The following NRG4 variants were observed in gnomAD, a reference collection of about 807,000 sequenced individuals.
NRG4 encodes neuregulin 4.
A neutral mutation model predicts 15.0 loss-of-function variants in NRG4; 10 were observed. The observed-to-expected ratio is 0.67, with a 90% CI of 0.41 to 1.13. The LOEUF is 1.13. NRG4 is among the 50% of genes most tolerant of loss of function. NRG4 has a pLI of 0.00. For missense variants in NRG4, 139 were observed against 140.2 expected, an observed-to-expected ratio of 0.99 and a Z score of 0.04; for synonymous variants, 41 against 50.1, an observed-to-expected ratio of 0.82 and a Z score of 0.77.
chr15:76,028,919 A>C (rs976963440), intron 5 of NRG4, among the ~76,000 whole-genome samples: 7 of 151,636 alleles, frequency 4.6e-5, no homozygotes, highest in Non-Finnish European at 8.8e-5. Flanking sequence ...AAAAAAAAAA[A>C]AAAAAAAACT....
At chr15:76,015,682 T>C (rs1243489439), upstream of NRG4, among the ~76,000 whole-genome samples, 2 of 152,176 alleles carry the variant, frequency 1.3e-5, no homozygotes, top group Non-Finnish European at 2.9e-5. Context: ...ATCCTTGCAT[T>C]CCAGGGATGA....
At chr15:75,937,046 AT>A (rs1397122000), downstream of NRG4, 1 of 152,072 alleles carries the variant, frequency 6.6e-6, no homozygotes, top group Non-Finnish European at 1.5e-5. Flanking sequence ...GACCATTGAC[AT>A]TTTTCTAATT....
intron 3 of NRG4, among the ~76,000 whole-genome samples, chr15:75,966,802 AAAC>A (rs1385363552): frequency 1.3e-5 from 2 of 152,186 alleles, no homozygotes; most frequent in Non-Finnish European, 2.9e-5. Context: ...ATGTTCAAGA[AAAC>A]AACATGGGCT....
At chr15:76,024,223 A>G (rs988408601) in intron 5 of NRG4, among the ~76,000 whole-genome samples, 2 of 152,202 alleles carry the variant, frequency 1.3e-5, no homozygotes, top group African/African-American at 4.8e-5. Context: ...GAGTAGCTGT[A>G]TGTCCACTTC....
At chr15:75,936,582 T>C (rs1302706758), downstream of NRG4, 1 of 144,552 alleles carries the variant, frequency 6.9e-6, no homozygotes, top group African/African-American at 2.6e-5. Flanking sequence ...GTATGGAAAC[T>C]TTTTTTTTTT....
At chr15:76,031,317 T>C (rs1313218539) in intron 5 of NRG4, among the ~76,000 whole-genome samples, 1 of 152,172 alleles carries the variant, frequency 6.6e-6, no homozygotes, top group Non-Finnish European at 1.5e-5. Flanking sequence ...GGCAAAGAAG[T>C]CCAATTTCAC....
intron 4 of NRG4, among the ~76,000 whole-genome samples, chr15:76,037,302 A>C (rs929089874): frequency 1.4e-4 from 22 of 152,222 alleles, no homozygotes; most frequent in African/African-American, 5.3e-4. Context: ...AGAGAAACTT[A>C]GAGTAGGAAA....
chr15:76,036,253 T>C (rs2035595113), intron 4 of NRG4, among the ~76,000 whole-genome samples: 2 of 152,220 alleles, frequency 1.3e-5, no homozygotes, highest in Admixed American at 6.5e-5. Flanking sequence ...CTCCAGGCAA[T>C]AGCTCCTCAC....
intron 3 of NRG4, among the ~76,000 whole-genome samples, chr15:75,975,030 GCT>G (rs1274451043): frequency 6.6e-6 from 1 of 152,096 alleles, no homozygotes; most frequent in East Asian, 1.9e-4. Flanking sequence ...GAATCTGAGT[GCT>G]CTTTTATTGG....
At chr15:76,024,455 C>T (rs1017016427) in intron 5 of NRG4, among the ~76,000 whole-genome samples, 1 of 152,236 alleles carries the variant, frequency 6.6e-6, no homozygotes, top group Non-Finnish European at 1.5e-5. Context: ...GCCTGAGAAA[C>T]AGCCACCCGG....
chr15:75,980,081 T>C (rs1247779223), intron 3 of NRG4, among the ~76,000 whole-genome samples: 3 of 152,198 alleles, frequency 2.0e-5, no homozygotes, highest in African/African-American at 7.2e-5. Flanking sequence ...TTTCACCTGA[T>C]AAGCTTTTAG....
intron 5 of NRG4, among the ~76,000 whole-genome samples, chr15:76,018,533 T>G (rs1486699268): frequency 6.6e-6 from 1 of 152,212 alleles, no homozygotes; most frequent in Non-Finnish European, 1.5e-5. Flanking sequence ...TTTTTGTTGA[T>G]GTTGATGCGA....
At chr15:76,007,011 C>T (rs1317941912) in intron 3 of NRG4, among the ~76,000 whole-genome samples, 1 of 152,112 alleles carries the variant, frequency 6.6e-6, no homozygotes, top group Non-Finnish European at 1.5e-5. Flanking sequence ...GATAGGAAAA[C>T]ACCTATAGGT....
At chr15:76,003,550 A>T (rs953727778) in intron 3 of NRG4, among the ~76,000 whole-genome samples, 1 of 152,194 alleles carries the variant, frequency 6.6e-6, no homozygotes, top group Non-Finnish European at 1.5e-5. Context: ...AAACTTCCCA[A>T]ATTTGATGAA....
upstream of NRG4, among the ~76,000 whole-genome samples, chr15:76,016,406 C>G (rs1444075561): frequency 2.6e-5 from 4 of 152,246 alleles, no homozygotes; most frequent in South Asian, 4.1e-4. Context: ...TCTTGCTCCT[C>G]TAGTTCTTTT....
In NRG4 at chr15:76,011,208, T is replaced by C; in HGVS notation, c.10+13A>G. On this transcript the variant is annotated intron_variant, in intron 2 of 5. Coordinates refer to ENST00000394907, the MANE Select transcript of NRG4 (RefSeq NM_138573.4). ...ACATATTGACAAAAACATATAAATA[T>C]ATAAGAAATTACCTGTTGGCATCTT... is the stretch of plus-strand genomic sequence containing the variant. 7.0e-7 allele frequency: 1 copy of C among 1,429,844 alleles called. No individual in the cohort carries two copies. The allele number at this position is 1,429,844 out of a possible 1,614,324, so 88.6% of individuals were successfully genotyped here. A position where few individuals can be genotyped will look rare whatever the true frequency, so the allele number is the denominator to read the frequency against.
At chr15:75,949,199 AC>A (rs1181032599) in intron 5 of NRG4, among the ~76,000 whole-genome samples, 1 of 152,144 alleles carries the variant, frequency 6.6e-6, no homozygotes, top group African/African-American at 2.4e-5. Flanking sequence ...ATCACATGAG[AC>A]CAGAAGTTCG....
intron 3 of NRG4, among the ~76,000 whole-genome samples, chr15:76,002,251 G>C (rs334942): frequency 1.3e-5 from 2 of 152,088 alleles, no homozygotes; most frequent in African/African-American, 4.8e-5. Flanking sequence ...AAGAGTAAAC[G>C]TACTAATTGA....
Position 76,019,425 on chromosome 15 carries a change from C to T in NRG4, c.-56-8139G>A, listed in dbSNP as rs183809923. Among the ~76,000 whole-genome samples the T allele has an allele frequency of 9.2e-5, 14 of 152,186 alleles. No homozygotes were observed. In the East Asian group the frequency reaches 2.7e-3, roughly 29 times the overall value. ...AGCTCGGTGTCTGCCCAAACAGCCA[C>T]CCAGTTTGGTGTCTGCCCAAACAGC... On this transcript the variant is annotated intron_variant, in intron 5 of 8. Transcript: ENST00000563910.
Sources: allele counts gnomAD v4.1 joint callset (sites outside exome capture counted in the v4.1 genomes callset), GRCh38; gene constraint gnomAD v4.1.1; transcripts MANE v1.5; gene names NCBI Gene and HGNC (gene_info 2026-07-23, HGNC 2026-07-21).